The following HIVEP3 variants were observed in gnomAD, a reference collection of about 807,000 sequenced individuals.
HIVEP3 encodes HIVEP zinc finger 3.
HIVEP3 carries 49 observed loss-of-function variants against 152.8 expected under a neutral mutation model. The observed-to-expected ratio is 0.32, with a 90% CI of 0.26 to 0.41. The LOEUF (loss-of-function observed/expected upper bound fraction) is 0.41, where lower values mean the gene tolerates loss of function less well. HIVEP3 is among the 10% of genes least tolerant of loss of function. HIVEP3 has a pLI of 1.00. For synonymous variants in HIVEP3, 1,269 were observed against 1,289.0 expected (o/e 0.98, Z 0.33); for missense variants, 2,790 against 3,103.3 (o/e 0.90, Z 2.40).
intron 5 of HIVEP3, among the ~76,000 whole-genome samples, chr1:41,557,147 C>G (rs1417342965): frequency 6.6e-6 from 1 of 151,982 alleles, no homozygotes; most frequent in Non-Finnish European, 1.5e-5. Context: ...ACTGTTATAC[C>G]CCCAACACCT....
At position 41,506,803 on chromosome 1, in the gene HIVEP3, CA is replaced by C. The variant is rs1377793797; in HGVS notation, c.*3647del. On this transcript the variant is annotated 3_prime_UTR_variant, in exon 9 of 9. Coordinates refer to ENST00000372583, the MANE Select transcript of HIVEP3 (RefSeq NM_024503.5). ...TAGAAACTTTCTACAGACAATTTCA[CA>C]TACAGAATACGTACACCTTTTAGAA... The C allele has an allele frequency of 2.6e-5, 4 of 152,096 alleles. No individual in the cohort carries two copies. The highest frequency in any genetic ancestry group is 9.7e-5 in the African/African-American group (4 of 41,410). The allele number at this position is 152,096 out of a possible 1,614,324, so 9.4% of individuals were successfully genotyped here.
At chr1:42,003,786 C>CAAA (rs112079993) in intron 1 of HIVEP3, among the ~76,000 whole-genome samples, 1 of 104,222 alleles carries the variant, frequency 9.6e-6, no homozygotes, top group African/African-American at 3.5e-5. Context: ...CTTTTTAGGG[C>CAAA]AAAAAAAAAA....
intron 2 of HIVEP3, among the ~76,000 whole-genome samples, chr1:41,695,851 G>A (rs768293937): frequency 2.1e-4 from 32 of 152,308 alleles, no homozygotes; most frequent in Admixed American, 9.8e-4. Flanking sequence ...TAATCCCAAC[G>A]TAAGGAATCA....
At chr1:41,888,902 T>A (rs1644398480) in intron 1 of HIVEP3, among the ~76,000 whole-genome samples, 1 of 95,356 alleles carries the variant, frequency 1.0e-5, no homozygotes, top group South Asian at 3.9e-4. Context: ...CCCACACACG[T>A]ACACCATATA....
At chr1:41,943,421 TC>T (rs1645057960) in intron 1 of HIVEP3, among the ~76,000 whole-genome samples, 1 of 152,180 alleles carries the variant, frequency 6.6e-6, no homozygotes, top group South Asian at 2.1e-4. Flanking sequence ...AACAAAGTAA[TC>T]TATAAAAATC....
intron 6 of HIVEP3, among the ~76,000 whole-genome samples, chr1:41,521,165 G>A (rs1642749899): frequency 6.6e-6 from 1 of 152,194 alleles, no homozygotes; most frequent in Non-Finnish European, 1.5e-5. Flanking sequence ...CTACCTCGTG[G>A]GGATGCGGGA....
At chr1:41,916,039 A>G (rs761972909) in intron 1 of HIVEP3, among the ~76,000 whole-genome samples, 3 of 152,226 alleles carry the variant, frequency 2.0e-5, no homozygotes, top group African/African-American at 7.2e-5. Flanking sequence ...GACAAGTTAA[A>G]TGCTATCCAG....
chr1:41,886,712 CAAAAAAAAAAAAA>C (rs71062602), intron 1 of HIVEP3, among the ~76,000 whole-genome samples: 4 of 87,786 alleles, frequency 4.6e-5, no homozygotes, highest in South Asian at 5.2e-4. Context: ...AACTCCATTT[CAAAAAAAAAAAAA>C]AAAAAAAAAA....
chr1:41,666,122 C>T (rs201867630), intron 2 of HIVEP3, among the ~76,000 whole-genome samples: 16 of 149,830 alleles, frequency 1.1e-4, no homozygotes, highest in Non-Finnish European at 1.8e-4. Context: ...GGTGTGTGTG[C>T]GTGTGTGTGT....
chr1:41,532,573 C>T (rs950469163), intron 5 of HIVEP3, among the ~76,000 whole-genome samples: 8 of 152,050 alleles, frequency 5.3e-5, no homozygotes, highest in African/African-American at 1.9e-4. Context: ...GAATCCAGGC[C>T]CAGGCTCATG....
intron 5 of HIVEP3, among the ~76,000 whole-genome samples, chr1:41,532,721 G>A (rs1300579888): frequency 6.6e-6 from 1 of 152,116 alleles, no homozygotes. Context: ...CACCACCCCC[G>A]AGCTTGGGGG....
Position 41,972,302 on chromosome 1 carries a change from G to A in HIVEP3, n.120-53778C>T, listed in dbSNP as rs750401923. Reference sequence around the variant, plus strand: ...TCCATGTCATGGTCCTTGCCATGTGGGGCTGCCATTGCAGCTGGCTCACCT... The same window carrying A: ...TCCATGTCATGGTCCTTGCCATGTGAGGCTGCCATTGCAGCTGGCTCACCT... On this transcript the variant is annotated intron_variant and non_coding_transcript_variant, in intron 1 of 3. Transcript: ENST00000489103. Among the ~76,000 whole-genome samples the A allele has an allele frequency of 4.5e-4, 69 of 152,306 alleles. No homozygotes were observed. In the Middle Eastern group the frequency reaches 0.01, roughly 23 times the overall value.
At chr1:41,517,275 G>A (rs1642634093) in intron 7 of HIVEP3, among the ~76,000 whole-genome samples, 1 of 152,150 alleles carries the variant, frequency 6.6e-6, no homozygotes, top group Non-Finnish European at 1.5e-5. Context: ...ACCTGTCTGA[G>A]CTTTGACTTC....
chr1:41,738,765 G>T (rs1347647617), intron 1 of HIVEP3, among the ~76,000 whole-genome samples: 1 of 152,158 alleles, frequency 6.6e-6, no homozygotes, highest in African/African-American at 2.4e-5. Context: ...GTAAAATGGG[G>T]CAGCTGTCTT....
chr1:41,847,104 C>T (rs150104078), intron 1 of HIVEP3: 1 of 152,328 alleles, frequency 6.6e-6, no homozygotes, highest in African/African-American at 2.4e-5. Flanking sequence ...ATGCTGGCTC[C>T]ATACTTTGAC....
At chr1:41,987,292 G>C (rs1645330162) in intron 1 of HIVEP3, among the ~76,000 whole-genome samples, 1 of 151,980 alleles carries the variant, frequency 6.6e-6, no homozygotes, top group African/African-American at 2.4e-5. Context: ...AAAAATCCCA[G>C]CAAACCACCA....
At chr1:41,731,118 C>T (rs1031899065) in intron 1 of HIVEP3, among the ~76,000 whole-genome samples, 4 of 152,090 alleles carry the variant, frequency 2.6e-5, no homozygotes, top group African/African-American at 9.7e-5. Flanking sequence ...GTGTGACTGC[C>T]GGGAAAAAGG....
Position 41,561,750 on chromosome 1 carries a change from T to TCCACCTGCCATGAA in HIVEP3, c.5207+13793_5207+13794insTTCATGGCAGGTGG, listed in dbSNP as rs1644068821. On this transcript the variant is annotated intron_variant, in intron 5 of 8. Transcript: ENST00000372583. ...GGCTGGTCTCAAACTCCTGCCATGA[T>TCCACCTGCCATGAA]CTCCCAAAGTGCTGGGATTACAGGT... Among the ~76,000 whole-genome samples the TCCACCTGCCATGAA allele has an allele frequency of 2.0e-5, 3 of 151,930 alleles. No individual in the cohort carries two copies. In the South Asian group the frequency reaches 6.2e-4, roughly 32 times the overall value.
At chr1:41,722,803 A>G (rs1242169837) in intron 1 of HIVEP3, among the ~76,000 whole-genome samples, 1 of 152,162 alleles carries the variant, frequency 6.6e-6, no homozygotes, top group East Asian at 1.9e-4. Context: ...ATCAAGGAAG[A>G]CTTCTGGGAA....
Sources: gnomAD v4.1 joint callset for allele counts (sites outside exome capture counted in the v4.1 genomes callset) on GRCh38, gnomAD v4.1.1 for gene constraint, MANE v1.5 for transcripts, NCBI Gene and HGNC (gene_info 2026-07-23, HGNC 2026-07-21) for gene names.